The following DCDC2C variants were observed in gnomAD, a reference collection of about 807,000 sequenced individuals.
The protein encoded by DCDC2C is doublecortin domain containing 2C.
DCDC2C carries 44 observed loss-of-function variants against 45.0 expected under a neutral mutation model. That is an observed-to-expected ratio of 0.98 (90% confidence interval 0.77 to 1.26). The LOEUF is 1.26. DCDC2C is among the 50% of genes most tolerant of loss of function. The pLI, the probability that DCDC2C is intolerant of heterozygous loss-of-function variation, is 0.00. For missense variants in DCDC2C, 447 were observed against 468.9 expected, an observed-to-expected ratio of 0.95 and a Z score of 0.43; for synonymous variants, 187 against 178.8, an observed-to-expected ratio of 1.05 and a Z score of -0.37.
intron 8 of DCDC2C, among the ~76,000 whole-genome samples, chr2:3,775,953 A>G (rs111320085): frequency 0.13 from 13,515 of 100,370 alleles, 3,238 homozygotes; most frequent in East Asian, 0.37. Context: ...TGTGGCTCTG[A>G]GCTAGGCAGC....
At chr2:3,763,176 C>T (rs896037153) in intron 6 of DCDC2C, among the ~76,000 whole-genome samples, 7 of 152,182 alleles carry the variant, frequency 4.6e-5, no homozygotes, top group South Asian at 2.1e-4. Context: ...CACAGAGGTT[C>T]GTTCTGGCAT....
At chr2:3,709,780 G>A (rs866721712) in intron 2 of DCDC2C, among the ~76,000 whole-genome samples, 139 of 152,088 alleles carry the variant, frequency 9.1e-4, no homozygotes, top group African/African-American at 3.3e-3. Context: ...TTTGAGTCTC[G>A]GTTCATCCTT....
chr2:3,744,432 C>T (rs955092698), intron 4 of DCDC2C, among the ~76,000 whole-genome samples: 1 of 152,154 alleles, frequency 6.6e-6, no homozygotes, highest in Non-Finnish European at 1.5e-5. Context: ...AGACATCCAC[C>T]TGGGGATGCT....
chr2:3,813,206 G>A (rs1408828660), intron 10 of DCDC2C, among the ~76,000 whole-genome samples: 1 of 151,630 alleles, frequency 6.6e-6, no homozygotes, highest in Non-Finnish European at 1.5e-5. Flanking sequence ...CAGGTAGCTG[G>A]GATTACAGGC....
intron 9 of DCDC2C, among the ~76,000 whole-genome samples, chr2:3,779,889 C>A (rs148844098): frequency 6.6e-6 from 1 of 152,106 alleles, no homozygotes; most frequent in Non-Finnish European, 1.5e-5. Flanking sequence ...AGGTCACCCC[C>A]GGCGCCTGAC....
At chr2:3,741,370 G>A (rs1327453383) in intron 3 of DCDC2C, among the ~76,000 whole-genome samples, 2 of 152,128 alleles carry the variant, frequency 1.3e-5, no homozygotes, top group African/African-American at 2.4e-5. Flanking sequence ...TATAGTAGTG[G>A]GAGACATGTT....
chr2:3,707,092 T>A (rs1037137065), intron 1 of DCDC2C, among the ~76,000 whole-genome samples: 1 of 152,108 alleles, frequency 6.6e-6, no homozygotes, highest in African/African-American at 2.4e-5. Context: ...ACAGACCTAC[T>A]CCCCGCCCAC....
At chr2:3,733,742 G>T (rs1208775922) in intron 3 of DCDC2C, among the ~76,000 whole-genome samples, 2 of 152,140 alleles carry the variant, frequency 1.3e-5, no homozygotes, top group Non-Finnish European at 2.9e-5. Context: ...GCCCCCTCGT[G>T]ATTGAATCAC....
In DCDC2C at chr2:3,704,111, G is replaced by A. The variant is rs567510088; in HGVS notation, c.287+73G>A. Reference sequence around the variant, plus strand: ...CTTGGGTCTGAGCGTGGTCAGGGCCGTGCCCCCCAGGTGTCCTCCCCAGGC... The same window carrying A: ...CTTGGGTCTGAGCGTGGTCAGGGCCATGCCCCCCAGGTGTCCTCCCCAGGC... On this transcript the variant is annotated intron_variant, in intron 1 of 10. Coordinates refer to ENST00000399143, the MANE Select transcript of DCDC2C (RefSeq NM_001287444.2). 2.9e-4 allele frequency: 348 copies of A among 1,180,040 alleles called. 1 individual carries two copies. The African/African-American group carries it at 5.0e-3, about 17-fold the overall frequency. 73.1% of individuals were successfully genotyped at this position (1,180,040 alleles called of 1,614,324 possible).
intron 7 of DCDC2C, among the ~76,000 whole-genome samples, chr2:3,768,665 C>T (rs1485706934): frequency 6.6e-6 from 1 of 152,174 alleles, no homozygotes; most frequent in African/African-American, 2.4e-5. Flanking sequence ...CCTCTGCCTC[C>T]CGAGTTCAAG....
chr2:3,835,921 T>G (rs1672064233), intron 10 of DCDC2C, among the ~76,000 whole-genome samples: 1 of 152,094 alleles, frequency 6.6e-6, no homozygotes, highest in Non-Finnish European at 1.5e-5. Flanking sequence ...TTTTTGTTAT[T>G]TTTGTAGAGA....
intron 1 of DCDC2C, 193 bp downstream of exon 1, chr2:3,704,231 G>C (rs920301434): frequency 1.3e-5 from 6 of 459,710 alleles, no homozygotes; most frequent in Non-Finnish European, 3.5e-6. Context: ...GGGCGAAGCC[G>C]AGGCAGCCCC....
chr2:3,711,050 C>A (rs1421085613), intron 2 of DCDC2C, among the ~76,000 whole-genome samples: 1 of 152,242 alleles, frequency 6.6e-6, no homozygotes, highest in Non-Finnish European at 1.5e-5. Context: ...AGTGTATAAG[C>A]ATTCCCTTTT....
At chr2:3,746,440 A>T (rs113101856) in intron 4 of DCDC2C, among the ~76,000 whole-genome samples, 7,516 of 152,170 alleles carry the variant, frequency 0.049, 228 homozygotes, top group Middle Eastern at 0.099. Context: ...GGAGCGGGGG[A>T]CATGGAGGAT....
intron 10 of DCDC2C, among the ~76,000 whole-genome samples, chr2:3,831,347 C>G (rs1301757689): frequency 6.6e-6 from 1 of 152,196 alleles, no homozygotes; most frequent in African/African-American, 2.4e-5. Context: ...GTGCACAAAC[C>G]TCGATGGCAC....
intron 8 of DCDC2C, among the ~76,000 whole-genome samples, chr2:3,770,024 G>A (rs1488422693): frequency 6.6e-6 from 1 of 152,158 alleles, no homozygotes; most frequent in African/African-American, 2.4e-5. Flanking sequence ...AAGGGGCGGG[G>A]TCAGGCCAGG....
At chr2:3,769,930 G>A (rs933906529) in intron 8 of DCDC2C, among the ~76,000 whole-genome samples, 1 of 152,176 alleles carries the variant, frequency 6.6e-6, no homozygotes, top group Non-Finnish European at 1.5e-5. Flanking sequence ...GCCTGAGTGT[G>A]TGGCCAGCAC....
chr2:3,790,091 G>A (rs1341913092), intron 10 of DCDC2C, among the ~76,000 whole-genome samples: 1 of 152,182 alleles, frequency 6.6e-6, no homozygotes, highest in Non-Finnish European at 1.5e-5. Context: ...CCAGACTGAC[G>A]AAGGGTCTTG....
chr2:3,836,287 A>G (rs1038056471), intron 10 of DCDC2C, among the ~76,000 whole-genome samples: 1 of 152,184 alleles, frequency 6.6e-6, no homozygotes, highest in Non-Finnish European at 1.5e-5. Flanking sequence ...ATTTTACAAA[A>G]TACCCAACCA....
Sources: allele counts gnomAD v4.1 joint callset (sites outside exome capture counted in the v4.1 genomes callset), GRCh38; gene constraint gnomAD v4.1.1; transcripts MANE v1.5; gene names NCBI Gene and HGNC (gene_info 2026-07-23, HGNC 2026-07-21).